Variants in SLC39A11 observed in about 807,000 individuals in gnomAD.
SLC39A11 encodes solute carrier family 39 member 11.
A neutral mutation model predicts 36.1 loss-of-function variants in SLC39A11; 33 were observed. The ratio of observed to expected loss-of-function variants is 0.91; its 90% CI spans 0.69 to 1.22. The LOEUF is 1.22. Ranked by LOEUF, SLC39A11 falls within the 50% of genes most tolerant of loss-of-function variation. The probability of loss-of-function intolerance (pLI) is 0.00; values close to 1 mark genes in which losing one functional copy is unlikely to be tolerated. For synonymous variants in SLC39A11, 166 were observed against 170.3 expected (o/e 0.97, Z 0.20); for missense variants, 432 against 430.3 (o/e 1.00, Z -0.03).
chr17:72,926,387 G>A (rs554042581), intron 5 of SLC39A11, among the ~76,000 whole-genome samples: 25 of 152,300 alleles, frequency 1.6e-4, no homozygotes, highest in Middle Eastern at 3.4e-3. Context: ...ATGGACATGA[G>A]AAAATGTCTG....
intron 6 of SLC39A11, among the ~76,000 whole-genome samples, chr17:72,799,946 C>T (rs2713985): frequency 0.028 from 4,310 of 151,898 alleles, 160 homozygotes; most frequent in African/African-American, 0.079. Context: ...AAAAACTTGC[C>T]GGTCTGAGAC....
At chr17:72,737,578 T>C (rs1417742327) in intron 6 of SLC39A11, among the ~76,000 whole-genome samples, 3 of 152,192 alleles carry the variant, frequency 2.0e-5, no homozygotes, top group Admixed American at 6.5e-5. Context: ...TAGGTGTCTT[T>C]AGTTTTCATT....
At chr17:72,720,373 C>T (rs1012086004) in intron 7 of SLC39A11, among the ~76,000 whole-genome samples, 7 of 152,162 alleles carry the variant, frequency 4.6e-5, no homozygotes, top group African/African-American at 1.7e-4. Context: ...CAGCCAGGCA[C>T]ACTCACAGAC....
intron 6 of SLC39A11, among the ~76,000 whole-genome samples, chr17:72,747,644 T>C (rs777340388): frequency 2.0e-5 from 3 of 152,166 alleles, no homozygotes; most frequent in Non-Finnish European, 4.4e-5. Flanking sequence ...GCTGTCTTCA[T>C]TCTCACTCTG....
At chr17:72,684,591 C>A (rs1337096195) in intron 7 of SLC39A11, among the ~76,000 whole-genome samples, 1 of 152,196 alleles carries the variant, frequency 6.6e-6, no homozygotes, top group Non-Finnish European at 1.5e-5. Flanking sequence ...GATCAAGGGA[C>A]CTTAACACTG....
intron 7 of SLC39A11, among the ~76,000 whole-genome samples, chr17:72,727,668 A>G (rs924424304): frequency 3.6e-4 from 53 of 147,002 alleles, no homozygotes; most frequent in Admixed American, 4.8e-4. Flanking sequence ...AAAAAAAAAA[A>G]AAAAGAAAGA....
At chr17:72,846,054 G>T (rs2079043479) in intron 6 of SLC39A11, among the ~76,000 whole-genome samples, 1 of 57,156 alleles carries the variant, frequency 1.7e-5, no homozygotes, top group Non-Finnish European at 3.6e-5. Flanking sequence ...TTTTGAGACA[G>T]AGCCTTGCTT....
chr17:72,970,124 G>T (rs1050368378), intron 4 of SLC39A11, among the ~76,000 whole-genome samples: 3 of 152,308 alleles, frequency 2.0e-5, no homozygotes, highest in African/African-American at 7.2e-5. Flanking sequence ...ACCGTTAAAA[G>T]GTCAGTCTTT....
intron 7 of SLC39A11, among the ~76,000 whole-genome samples, chr17:72,715,559 T>C (rs1830844763): frequency 6.6e-6 from 1 of 152,158 alleles, no homozygotes; most frequent in Non-Finnish European, 1.5e-5. Context: ...ACAAATACTG[T>C]GTGATGCCAC....
At chr17:72,989,910 T>C (rs2089047617) in intron 4 of SLC39A11, among the ~76,000 whole-genome samples, 1 of 152,240 alleles carries the variant, frequency 6.6e-6, no homozygotes, top group South Asian at 2.1e-4. Context: ...GGCTCTTCAG[T>C]AAATTTCTTT....
At chr17:73,088,807 G>A (rs987668011) in intron 1 of SLC39A11, 32 bp from the exon 2 acceptor site, 43 of 1,502,106 alleles carry the variant, frequency 2.9e-5, no homozygotes, top group Middle Eastern at 1.7e-4. Flanking sequence ...GTCAGCCACC[G>A]GTGGTCCGTT....
chr17:72,847,116 A>G (rs1456312047), intron 6 of SLC39A11, among the ~76,000 whole-genome samples: 1 of 152,176 alleles, frequency 6.6e-6, no homozygotes, highest in Admixed American at 6.6e-5. Flanking sequence ...CTAGAAAACC[A>G]ACAGGGTCAG....
intron 7 of SLC39A11, among the ~76,000 whole-genome samples, chr17:72,684,199 G>C: frequency 6.6e-6 from 1 of 152,078 alleles, no homozygotes; most frequent in Non-Finnish European, 1.5e-5. Flanking sequence ...CTGGGTTCCC[G>C]TAACCCACTC....
At chr17:72,723,265 G>A (rs1349236540) in intron 7 of SLC39A11, among the ~76,000 whole-genome samples, 1 of 152,002 alleles carries the variant, frequency 6.6e-6, no homozygotes, top group Non-Finnish European at 1.5e-5. Context: ...GTGCTGAAAT[G>A]AGCACGTGTC....
chr17:73,089,520 A>C (rs2060855544), intron 1 of SLC39A11, among the ~76,000 whole-genome samples: 1 of 152,086 alleles, frequency 6.6e-6, no homozygotes, highest in Admixed American at 6.6e-5. Context: ...CCTCACGACC[A>C]AGGCTTTTCT....
chr17:73,045,015 A>G (rs991335130), intron 3 of SLC39A11, among the ~76,000 whole-genome samples: 10 of 152,070 alleles, frequency 6.6e-5, no homozygotes, highest in Admixed American at 6.6e-4. Context: ...TCTGGTTTTT[A>G]AGTCTCAAAA....
chr17:72,801,088 G>C (rs1036342481), intron 6 of SLC39A11, among the ~76,000 whole-genome samples: 1 of 152,186 alleles, frequency 6.6e-6, no homozygotes, highest in Non-Finnish European at 1.5e-5. Context: ...TTATTTATAC[G>C]AAATGTCCAG....
intron 5 of SLC39A11, among the ~76,000 whole-genome samples, chr17:72,879,185 GT>G (rs1192690047): frequency 1.3e-5 from 2 of 152,190 alleles, no homozygotes; most frequent in East Asian, 3.9e-4. Context: ...TGCCCTTTGG[GT>G]TTTTTATGGA....
chr17:72,676,957 T>G (rs1161604711), intron 7 of SLC39A11, among the ~76,000 whole-genome samples: 1 of 152,178 alleles, frequency 6.6e-6, no homozygotes, highest in Non-Finnish European at 1.5e-5. Context: ...TGCTGGTGGT[T>G]TCCGGACTTT....
Sources: gnomAD v4.1 joint callset for allele counts (sites outside exome capture counted in the v4.1 genomes callset) on GRCh38, gnomAD v4.1.1 for gene constraint, MANE v1.5 for transcripts, NCBI Gene and HGNC (gene_info 2026-07-23, HGNC 2026-07-21) for gene names.